The following STOX2 variants were observed in gnomAD, a reference collection of about 807,000 sequenced individuals.
STOX2 encodes storkhead-box protein 2.
A neutral mutation model predicts 60.9 loss-of-function variants in STOX2; 28 were observed. That is an observed-to-expected ratio of 0.46 (90% CI 0.34 to 0.63). STOX2 has a LOEUF of 0.63. Ranked by LOEUF, STOX2 falls within the 30% of genes least tolerant of loss-of-function variation. The pLI, the probability that STOX2 is intolerant of heterozygous loss-of-function variation, is 0.01. For synonymous variants in STOX2, 472 were observed against 463.9 expected, an observed-to-expected ratio of 1.02 and a Z score of -0.22; for missense variants, 1,024 against 1,187.7, an observed-to-expected ratio of 0.86 and a Z score of 2.03.
At chr4:183,852,308 A>G (rs376603973) in intron 1 of STOX2, among the ~76,000 whole-genome samples, 798 of 56,922 alleles carry the variant, frequency 0.014, no homozygotes, top group Admixed American at 0.02. Flanking sequence ...AAAGGATGAG[A>G]GAAACGATGA....
chr4:183,863,510 G>A (rs940694144), intron 1 of STOX2, among the ~76,000 whole-genome samples: 1 of 152,200 alleles, frequency 6.6e-6, no homozygotes, highest in African/African-American at 2.4e-5. Flanking sequence ...CTGGATGAAT[G>A]GAGATTCAAA....
Position 183,836,637 on chromosome 4 carries a change from G to C in STOX2, c.364+38582G>C, listed in dbSNP as rs1193097211. Among the ~76,000 whole-genome samples the C allele has an allele frequency of 2.0e-5, 3 of 152,208 alleles. No individual in the cohort carries two copies. The highest frequency in any genetic ancestry group is 7.2e-5 in the African/African-American group (3 of 41,432). ...GGAAGTGCAGTCTTCCATGTCCTGG[G>C]AAGGGGTGACCTGGTATTAGTGAGC... On this transcript the variant is annotated intron_variant, in intron 1 of 2. Coordinates refer to the STOX2 transcript ENST00000513034. This position sits in a 1 kb window ranked among gnomAD's most constrained non-coding sequence, Gnocchi z 4.1.
rs762902830 is a variant in STOX2 at position 184,011,754 on chromosome 4, G to A, written c.2585+331G>A. ...ATGCTAAGAGAAGGATGTTTTTTAA[G>A]TCCTTCAAAAATAGTAACTTTTTGA... On this transcript the variant is annotated intron_variant, in intron 3 of 3. Transcript: ENST00000308497. The surrounding 1 kb of genome is among the most constrained non-coding windows in gnomAD (Gnocchi z 4.4). The A allele has an allele frequency of 2.3e-5, 16 of 709,494 alleles. No individual in the cohort carries two copies. In the East Asian group the frequency reaches 6.3e-4, roughly 28 times the overall value. 43.9% of individuals were successfully genotyped at this position (709,494 alleles called of 1,614,324 possible). A position where few individuals can be genotyped will look rare whatever the true frequency, so the allele number is the denominator to read the frequency against.
At chr4:183,916,720 C>T (rs1741940774) in intron 1 of STOX2, among the ~76,000 whole-genome samples, 1 of 152,214 alleles carries the variant, frequency 6.6e-6, no homozygotes, top group African/African-American at 2.4e-5. Flanking sequence ...ATCGTTGTCA[C>T]TTCAAAGTAT....
intron 1 of STOX2, among the ~76,000 whole-genome samples, chr4:183,985,554 A>C (rs1732806915): frequency 1.3e-5 from 2 of 152,212 alleles, no homozygotes; most frequent in South Asian, 4.1e-4. Context: ...TGAGTTTCTA[A>C]GTACAGACAT....
chr4:183,827,908 C>T lies in STOX2; in HGVS notation c.364+29853C>T, dbSNP rs551389782. 4.6e-5 allele frequency among the ~76,000 whole-genome samples: 7 copies of T among 150,614 alleles called. No homozygotes were observed. In the East Asian group the frequency reaches 7.8e-4, roughly 17 times the overall value. On this transcript the variant is annotated intron_variant, in intron 1 of 2. Transcript: ENST00000513034. ...AAAAAAAAAAAGAAAGAAAAAAAGA[C>T]GGCCTTTATTGCCCCAGTATAACCT...
intron 1 of STOX2, among the ~76,000 whole-genome samples, chr4:183,972,297 A>G (rs1334792281): frequency 6.6e-6 from 1 of 152,160 alleles, no homozygotes; most frequent in Non-Finnish European, 1.5e-5. Context: ...CAGTTGTGCT[A>G]GAAGTATGTG....
chr4:183,889,945 G>A (rs1196381875), intron 1 of STOX2, among the ~76,000 whole-genome samples: 1 of 152,196 alleles, frequency 6.6e-6, no homozygotes, highest in African/African-American at 2.4e-5. Context: ...ACAAGAAAAA[G>A]CGAGCTACTT....
intron 1 of STOX2, among the ~76,000 whole-genome samples, chr4:183,811,365 A>C (rs1739029919): frequency 6.6e-6 from 1 of 152,240 alleles, no homozygotes; most frequent in African/African-American, 2.4e-5. Context: ...AAACTGGCTC[A>C]CAGAACAAGC....
intron 1 of STOX2, among the ~76,000 whole-genome samples, chr4:183,936,088 T>C (rs1429603118): frequency 6.6e-6 from 1 of 152,220 alleles, no homozygotes; most frequent in African/African-American, 2.4e-5. Context: ...AAGGGACATA[T>C]AAATAAATTT....
chr4:183,832,287 G>C (rs1278939350), intron 1 of STOX2, among the ~76,000 whole-genome samples: 1 of 151,814 alleles, frequency 6.6e-6, no homozygotes, highest in Non-Finnish European at 1.5e-5. Flanking sequence ...ACCACACCTG[G>C]CCCTGGAGCT....
intron 1 of STOX2, among the ~76,000 whole-genome samples, chr4:183,815,132 G>A (rs918707815): frequency 3.3e-5 from 5 of 151,838 alleles, no homozygotes; most frequent in African/African-American, 1.2e-4. Flanking sequence ...GGCTGGGACT[G>A]TAGGTGTCCA....
chr4:183,928,223 G>C (rs1037767495), intron 1 of STOX2, among the ~76,000 whole-genome samples: 4 of 152,122 alleles, frequency 2.6e-5, no homozygotes, highest in Non-Finnish European at 5.9e-5. Flanking sequence ...GCCCTCGGGG[G>C]GGGGCATTTT....
intron 1 of STOX2, among the ~76,000 whole-genome samples, chr4:183,855,684 A>G (rs1579338953): frequency 1.3e-5 from 2 of 152,230 alleles, no homozygotes; most frequent in African/African-American, 4.8e-5. Context: ...CTTAAGGCTT[A>G]AGAAAAGAAA....
intron 1 of STOX2, among the ~76,000 whole-genome samples, chr4:184,000,237 A>G (rs1733528134): frequency 6.6e-6 from 1 of 152,132 alleles, no homozygotes; most frequent in South Asian, 2.1e-4. Context: ...TTGGAGCATC[A>G]CTTGAAAATC....
chr4:183,998,533 C>T (rs1224941205), intron 1 of STOX2, among the ~76,000 whole-genome samples: 1 of 152,142 alleles, frequency 6.6e-6, no homozygotes, highest in Non-Finnish European at 1.5e-5. Flanking sequence ...CCAATCTTCA[C>T]ACATTTCTTA....
At chr4:183,956,238 G>A (rs1743243130) in intron 1 of STOX2, among the ~76,000 whole-genome samples, 2 of 152,138 alleles carry the variant, frequency 1.3e-5, no homozygotes, top group African/African-American at 4.8e-5. Flanking sequence ...AGACTTTGCA[G>A]CCTTCTTTCC....
intron 1 of STOX2, among the ~76,000 whole-genome samples, chr4:183,845,864 CT>C (rs1180055523): frequency 6.6e-6 from 1 of 152,174 alleles, no homozygotes; most frequent in Non-Finnish European, 1.5e-5. Flanking sequence ...TTAATACTGA[CT>C]TTTATATGTA....
At chr4:183,985,477 G>A (rs560237244) in intron 1 of STOX2, among the ~76,000 whole-genome samples, 3 of 152,304 alleles carry the variant, frequency 2.0e-5, no homozygotes, top group Admixed American at 1.3e-4. Flanking sequence ...GCTTCAGGAA[G>A]AGAGTTCCCC....
Sources: allele counts gnomAD v4.1 joint callset (sites outside exome capture counted in the v4.1 genomes callset), GRCh38; gene constraint gnomAD v4.1.1; non-coding constraint Gnocchi (gnomAD v3.1); transcripts MANE v1.5; gene names NCBI Gene and HGNC (gene_info 2026-07-23, HGNC 2026-07-21).